GBE1: variants seen among roughly 807,000 people sequenced by gnomAD.
GBE1 encodes 1,4-alpha-glucan-branching enzyme.
A neutral mutation model predicts 88.8 loss-of-function variants in GBE1; 70 were observed. The ratio of observed to expected loss-of-function variants is 0.79; its 90% CI spans 0.65 to 0.96. GBE1 has a LOEUF of 0.96. Among genes scored for constraint, GBE1 ranks in the 40% least tolerant of loss-of-function variants. The probability of loss-of-function intolerance (pLI) is 0.00; values close to 1 mark genes in which losing one functional copy is unlikely to be tolerated. For synonymous variants in GBE1, 284 were observed against 300.1 expected, an observed-to-expected ratio of 0.95 and a Z score of 0.56; for missense variants, 872 against 871.0, an observed-to-expected ratio of 1.00 and a Z score of -0.01.
At chr3:81,615,758 G>A (rs927737895) in intron 7 of GBE1, among the ~76,000 whole-genome samples, 2 of 152,198 alleles carry the variant, frequency 1.3e-5, no homozygotes, top group Non-Finnish European at 2.9e-5. Context: ...GTTTCTGTGT[G>A]AAAACAGTTT....
At chr3:81,688,868 A>C (rs1291095243) in intron 2 of GBE1, among the ~76,000 whole-genome samples, 1 of 151,654 alleles carries the variant, frequency 6.6e-6, no homozygotes, top group African/African-American at 2.4e-5. Context: ...GCTATATGTA[A>C]ATTACACAGG....
chr3:81,538,976 A>G (rs916655693), intron 12 of GBE1, among the ~76,000 whole-genome samples: 35 of 152,028 alleles, frequency 2.3e-4, no homozygotes, highest in African/African-American at 8.5e-4. Context: ...CATCACGATG[A>G]CAGTAGAAGC....
chr3:81,560,876 C>T lies in GBE1; in HGVS notation c.1618+17049G>A, dbSNP rs529094068. Among the ~76,000 whole-genome samples the T allele has an allele frequency of 2.6e-5, 4 of 151,890 alleles. No individual in the cohort carries two copies. The South Asian group carries it at 6.2e-4, about 24-fold the overall frequency. On this transcript the variant is annotated intron_variant, in intron 12 of 15. Transcript: ENST00000429644. Reference sequence around the variant, plus strand: ...TTTTTGTTAATTGTAGACGTATTTCCTAAGTGTATTTTTAGGGGAAAGACA... The same window carrying T: ...TTTTTGTTAATTGTAGACGTATTTCTTAAGTGTATTTTTAGGGGAAAGACA...
At chr3:81,667,871 G>A (rs553410406) in intron 3 of GBE1, among the ~76,000 whole-genome samples, 1 of 152,160 alleles carries the variant, frequency 6.6e-6, no homozygotes, top group African/African-American at 2.4e-5. Flanking sequence ...GAGGACTTTT[G>A]CATTGATGTT....
chr3:81,590,755 G>A (rs1042816111), intron 9 of GBE1, among the ~76,000 whole-genome samples: 3 of 152,056 alleles, frequency 2.0e-5, no homozygotes, highest in African/African-American at 4.8e-5. Context: ...GTCTCATAGC[G>A]AAGGGCCTGT....
chr3:81,709,531 C>T (rs1426534726), intron 1 of GBE1, among the ~76,000 whole-genome samples: 1 of 151,992 alleles, frequency 6.6e-6, no homozygotes, highest in African/African-American at 2.4e-5. Context: ...AAAGGTATAA[C>T]GTTGGGAGGA....
chr3:81,628,635 A>G (rs1435956431), intron 7 of GBE1, among the ~76,000 whole-genome samples: 1 of 151,236 alleles, frequency 6.6e-6, no homozygotes, highest in East Asian at 1.9e-4. Context: ...TTGAAAATTC[A>G]TGACAAAACT....
chr3:81,574,809 G>C (rs1452370732), intron 12 of GBE1, among the ~76,000 whole-genome samples: 1 of 152,002 alleles, frequency 6.6e-6, no homozygotes, highest in Non-Finnish European at 1.5e-5. Flanking sequence ...CAAATATCTG[G>C]TATAAAAAAT....
chr3:81,653,821 G>A (rs1704888872), intron 3 of GBE1, among the ~76,000 whole-genome samples: 2 of 150,924 alleles, frequency 1.3e-5, no homozygotes, highest in Admixed American at 1.3e-4. Flanking sequence ...CTATGGGTAA[G>A]GGGATTGTTA....
chr3:81,562,185 A>T (rs1206468300), intron 12 of GBE1, among the ~76,000 whole-genome samples: 1 of 152,074 alleles, frequency 6.6e-6, no homozygotes, highest in East Asian at 1.9e-4. Flanking sequence ...TGTAGAATGA[A>T]GAAATAACTA....
chr3:81,660,089 G>A (rs767004683), intron 3 of GBE1, among the ~76,000 whole-genome samples: 10 of 152,166 alleles, frequency 6.6e-5, no homozygotes, highest in Non-Finnish European at 1.3e-4. Context: ...ATAAGAAAGC[G>A]ATGAAATAGT....
intron 14 of GBE1, among the ~76,000 whole-genome samples, chr3:81,532,074 T>C (rs1703017510): frequency 6.6e-6 from 1 of 152,074 alleles, no homozygotes; most frequent in East Asian, 2.0e-4. Flanking sequence ...TTCTTCCATG[T>C]GCCATGTGGT....
intron 15 of GBE1, among the ~76,000 whole-genome samples, chr3:81,491,350 T>A (rs199499279): frequency 1.3e-5 from 2 of 152,188 alleles, no homozygotes; most frequent in Non-Finnish European, 2.9e-5. Flanking sequence ...CATTAGACTA[T>A]GAGCTTTACA....
intron 12 of GBE1, among the ~76,000 whole-genome samples, chr3:81,560,396 T>C (rs907784195): frequency 2.0e-5 from 3 of 151,966 alleles, no homozygotes; most frequent in Non-Finnish European, 4.4e-5. Flanking sequence ...AAGTTGATAA[T>C]ACAGCTGCCT....
intron 2 of GBE1, among the ~76,000 whole-genome samples, chr3:81,675,312 T>C (rs2107121203): frequency 6.6e-6 from 1 of 152,134 alleles, no homozygotes. Flanking sequence ...TTGAGGCTAG[T>C]GTTAATCACA....
chr3:81,701,572 C>A (rs894546540), intron 2 of GBE1, among the ~76,000 whole-genome samples: 3 of 151,654 alleles, frequency 2.0e-5, no homozygotes, highest in African/African-American at 7.3e-5. Context: ...TACAAAATTT[C>A]TCACATTCAC....
At chr3:81,507,565 A>AAAAC (rs917391575) in intron 14 of GBE1, among the ~76,000 whole-genome samples, 2 of 143,922 alleles carry the variant, frequency 1.4e-5, no homozygotes. Flanking sequence ...CTCCGTCTCA[A>AAAAC]AAACAAACAA....
intron 2 of GBE1, among the ~76,000 whole-genome samples, chr3:81,703,750 G>A (rs1241419435): frequency 6.6e-6 from 1 of 151,860 alleles, no homozygotes; most frequent in Non-Finnish European, 1.5e-5. Flanking sequence ...AAAGAAAAGT[G>A]GATGGTTGCA....
intron 2 of GBE1, among the ~76,000 whole-genome samples, chr3:81,699,171 T>C (rs1705648775): frequency 6.6e-6 from 1 of 152,092 alleles, no homozygotes; most frequent in Admixed American, 6.6e-5. Context: ...ATAAACTTAA[T>C]TGAAGGGAAG....
Sources: allele counts gnomAD v4.1 joint callset (sites outside exome capture counted in the v4.1 genomes callset), GRCh38; gene constraint gnomAD v4.1.1; transcripts MANE v1.5; gene names NCBI Gene and HGNC (gene_info 2026-07-23, HGNC 2026-07-21).